The following PIK3R6 variants were observed in gnomAD, a reference collection of about 807,000 sequenced individuals.
PIK3R6 encodes phosphoinositide-3-kinase regulatory subunit 6.
Under a neutral mutation model 84.9 loss-of-function variants are expected in PIK3R6, and 91 were observed. The ratio of observed to expected loss-of-function variants is 1.07; its 90% CI spans 0.90 to 1.28. The LOEUF (loss-of-function observed/expected upper bound fraction) is 1.28, where lower values mean the gene tolerates loss of function less well. PIK3R6 is among the 50% of genes most tolerant of loss of function. PIK3R6 has a pLI of 0.00. For missense variants in PIK3R6, 996 were observed against 985.1 expected (o/e 1.01, Z -0.15); for synonymous variants, 416 against 411.4 (o/e 1.01, Z -0.13).
At chr17:8,828,335 G>A in intron 11 of PIK3R6, 145 bp from the exon 12 acceptor site, 1 of 966,568 alleles carries the variant, frequency 1.0e-6, no homozygotes, top group Non-Finnish European at 1.6e-6. Context: ...AATGGGTACA[G>A]TAATGTCTCC....
At chr17:8,805,005 T>C (rs570248186) in intron 18 of PIK3R6, among the ~76,000 whole-genome samples, 1 of 152,292 alleles carries the variant, frequency 6.6e-6, no homozygotes, top group Admixed American at 6.5e-5. Flanking sequence ...CACTGAGTTG[T>C]TCAGTGTCAT....
intron 1 of PIK3R6, among the ~76,000 whole-genome samples, chr17:8,863,903 C>T (rs545819160): frequency 1.3e-5 from 2 of 152,266 alleles, no homozygotes; most frequent in African/African-American, 4.8e-5. Context: ...AAAAAAGGCC[C>T]GACAGCAAGC....
chr17:8,812,249 G>A (rs994273408), intron 18 of PIK3R6, among the ~76,000 whole-genome samples: 4 of 152,158 alleles, frequency 2.6e-5, no homozygotes, highest in African/African-American at 9.7e-5. Flanking sequence ...GGGAATTCAA[G>A]ATGAGATTTG....
chr17:8,861,677 G>T (rs1395493425), intron 1 of PIK3R6, among the ~76,000 whole-genome samples: 1 of 152,150 alleles, frequency 6.6e-6, no homozygotes, highest in East Asian at 1.9e-4. Context: ...GTATCACAGT[G>T]CTTGTGTTCA....
chr17:8,827,764 GAGAGAGAGAGAGA>G (rs1567583730), intron 12 of PIK3R6, among the ~76,000 whole-genome samples: 8 of 5,000 alleles, frequency 1.6e-3, no homozygotes, highest in African/African-American at 8.5e-3. Context: ...AGAGAGAGAG[GAGAGAGAGAGAGA>G]GAGAGAGAGA....
At chr17:8,857,023 G>A (rs1036559221) in intron 1 of PIK3R6, among the ~76,000 whole-genome samples, 3 of 83,098 alleles carry the variant, frequency 3.6e-5, no homozygotes, top group Non-Finnish European at 7.4e-5. Flanking sequence ...GCTCCCCCTC[G>A]ACATTCAGGT....
At position 8,844,938 on chromosome 17, in the gene PIK3R6, C is replaced by T. The variant is rs955107172; in HGVS notation, c.13+4844G>A. 3.9e-5 allele frequency among the ~76,000 whole-genome samples: 6 copies of T among 152,134 alleles called. No homozygotes were observed. The highest frequency in any genetic ancestry group is 1.4e-4 in the African/African-American group (6 of 41,416). On this transcript the variant is annotated intron_variant, in intron 2 of 19. Transcript: ENST00000619866. This position sits in a 1 kb window ranked among gnomAD's most constrained non-coding sequence, Gnocchi z 4.5. ...AACATGCAGTATTTGGCTTTCTGTT[C>T]CTACATTAATTTGCTTAGTGTAATA...
Position 8,803,499 on chromosome 17 carries a change from C to T in PIK3R6, c.2109-70G>A, listed in dbSNP as rs1183344469. 1.4e-6 allele frequency: 2 copies of T among 1,462,594 alleles called. No individual in the cohort carries two copies. The highest frequency in any genetic ancestry group is 4.6e-5 in the East Asian group (2 of 43,538). 90.6% of individuals were successfully genotyped at this position (1,462,594 alleles called of 1,614,324 possible). ...CAGATTGCCTAGGGCATTTGAAAGG[C>T]AGAGCTGTTATTGTAGGGCCTAGAG... is the stretch of plus-strand genomic sequence containing the variant. On this transcript the variant is annotated intron_variant, in intron 19 of 19. Coordinates refer to ENST00000619866, the MANE Select transcript of PIK3R6 (RefSeq NM_001010855.4). This position sits in a 1 kb window ranked among gnomAD's most constrained non-coding sequence, Gnocchi z 5.0.
Position 8,810,348 on chromosome 17 carries a change from G to A in PIK3R6, c.1996-6195C>T, listed in dbSNP as rs1038047022. ...GGCCCCTCCCACAACATGTGGGAAT[G>A]CAAGATCAGATTTGGGTAGGGACAC... On this transcript the variant is annotated intron_variant, in intron 18 of 19. Coordinates refer to ENST00000619866, the MANE Select transcript of PIK3R6 (RefSeq NM_001010855.4). Among the ~76,000 whole-genome samples the A allele has an allele frequency of 4.1e-5, 6 of 147,846 alleles. 2 individuals carry two copies. The Admixed American group carries it at 4.1e-4, about 10-fold the overall frequency.
At chr17:8,827,776 G>GAGAGAGAC (rs2087990110) in intron 12 of PIK3R6, among the ~76,000 whole-genome samples, 1 of 116,546 alleles carries the variant, frequency 8.6e-6, no homozygotes, top group African/African-American at 4.4e-5. Context: ...GAGAGAGAGA[G>GAGAGAGAC]AGAGAGAGAG....
rs755993441 is a variant in PIK3R6 at position 8,837,864 on chromosome 17, C to CGAA, written c.196_197insTTC (p.Ser66delinsIleArg). On this transcript the variant is annotated protein_altering_variant, in exon 5 of 20. Transcript: ENST00000619866. ...AATGATGACATGCCGGAGGTCCTGG[C>CGAA]TTTCCGCCTGGAAAACAGGAGATCA... The CGAA allele has an allele frequency of 6.2e-7, 1 of 1,613,844 alleles. No homozygotes were observed. Among genetic ancestry groups the CGAA allele is most frequent in the South Asian group, 1.1e-5 (1 of 91,080 alleles).
At chr17:8,816,114 G>A (rs1239205974) in intron 18 of PIK3R6, among the ~76,000 whole-genome samples, 1 of 152,190 alleles carries the variant, frequency 6.6e-6, no homozygotes, top group East Asian at 1.9e-4. Context: ...GAGGGGGTCA[G>A]TGAACCCAAT....
At position 8,844,639 on chromosome 17, in the gene PIK3R6, T is replaced by C. The variant is rs2088773473; in HGVS notation, c.14-4942A>G. ...TTTTTATTTAAAATTTTTTTAACTT[T>C]TATTTTAGGTTCAGGAGGTACATGT... On this transcript the variant is annotated intron_variant, in intron 2 of 19. Transcript: ENST00000619866. This position sits in a 1 kb window ranked among gnomAD's most constrained non-coding sequence, Gnocchi z 4.5. 6.6e-6 allele frequency among the ~76,000 whole-genome samples: 1 copy of C among 152,072 alleles called. No individual in the cohort carries two copies. The highest frequency in any genetic ancestry group is 2.4e-5 in the African/African-American group (1 of 41,404).
At chr17:8,829,443 CTG>C (rs1275799807) in intron 10 of PIK3R6, among the ~76,000 whole-genome samples, 4 of 147,176 alleles carry the variant, frequency 2.7e-5, no homozygotes, top group Non-Finnish European at 4.6e-5. Context: ...GATACACACA[CTG>C]ACACGCATCC....
At chr17:8,848,377 C>G (rs975823991) in intron 2 of PIK3R6, among the ~76,000 whole-genome samples, 1 of 152,150 alleles carries the variant, frequency 6.6e-6, no homozygotes, top group African/African-American at 2.4e-5. Flanking sequence ...TGATGTGTCA[C>G]TTAACTACGG....
At position 8,803,647 on chromosome 17, in the gene PIK3R6, G is replaced by A. The variant is rs148774347; in HGVS notation, c.2109-218C>T. ...AGACACTTGGAGCAAGTAACTCTGC[G>A]CATGCCTCCCTTACCCAAACACACC... On this transcript the variant is annotated intron_variant, in intron 19 of 19. Transcript: ENST00000619866. The surrounding 1 kb of genome is among the most constrained non-coding windows in gnomAD (Gnocchi z 5.0). 26 of 569,136 alleles carry A rather than the reference G, an allele frequency of 4.6e-5. No individual in the cohort carries two copies. The highest frequency in any genetic ancestry group is 1.9e-4 in the African/African-American group (10 of 53,036). 35.3% of individuals were successfully genotyped at this position (569,136 alleles called of 1,614,324 possible). A position where few individuals can be genotyped will look rare whatever the true frequency, so the allele number is the denominator to read the frequency against.
intron 15 of PIK3R6, among the ~76,000 whole-genome samples, 153 bp downstream of exon 15, chr17:8,822,843 A>G (rs2074258): frequency 0.72 from 108,899 of 152,072 alleles, 39,331 homozygotes; most frequent in African/African-American, 0.81. Context: ...GGGGATCAAG[A>G]GCAGCCTTGG....
intron 4 of PIK3R6, chr17:8,838,179 T>G (rs1180051685): frequency 6.3e-6 from 3 of 474,562 alleles, no homozygotes; most frequent in Admixed American, 7.5e-5. Flanking sequence ...CTCCCTTGAG[T>G]GCAGTGTTTC....
intron 8 of PIK3R6, 95 bp downstream of exon 8, chr17:8,835,178 A>G: frequency 8.0e-7 from 1 of 1,257,618 alleles, no homozygotes; most frequent in Non-Finnish European, 1.0e-6. Context: ...AGGTGATGCG[A>G]AACAGGAGAA....
Sources: allele counts gnomAD v4.1 joint callset (sites outside exome capture counted in the v4.1 genomes callset), GRCh38; gene constraint gnomAD v4.1.1; non-coding constraint Gnocchi (gnomAD v3.1); transcripts MANE v1.5; gene names NCBI Gene and HGNC (gene_info 2026-07-23, HGNC 2026-07-21).